The following RP1 variants were observed in gnomAD, a reference collection of about 807,000 sequenced individuals.
RP1 encodes the protein oxygen-regulated protein 1.
RP1 carries 16 observed loss-of-function variants against 14.8 expected under a neutral mutation model. The ratio of observed to expected loss-of-function variants is 1.08; its 90% CI spans 0.73 to 1.65. RP1 has a LOEUF of 1.65. Ranked by LOEUF, RP1 falls within the 40% of genes most tolerant of loss-of-function variation. RP1 has a pLI of 0.00. For missense variants in RP1, 2,631 were observed against 2,535.0 expected, an observed-to-expected ratio of 1.04 and a Z score of -0.81; for synonymous variants, 876 against 883.6, an observed-to-expected ratio of 0.99 and a Z score of 0.15.
At chr8:54,739,695 C>T (rs1229635911) in intron 19 of RP1, among the ~76,000 whole-genome samples, 2 of 150,660 alleles carry the variant, frequency 1.3e-5, no homozygotes, top group Non-Finnish European at 3.0e-5. Flanking sequence ...TGCTTTCTGT[C>T]TCTCGGTATA....
Position 54,627,081 on chromosome 8 carries a change from G to A in RP1, c.3199G>A (p.Ala1067Thr), listed in dbSNP as rs866421606. Residue 1067 changes from alanine (A) to threonine (T), a missense_variant, in exon 4 of 4, where the codon GCT becomes ACT. Ala to Thr is a moderately conservative substitution (Grantham distance 58). Coordinates refer to ENST00000220676, the MANE Select transcript of RP1 (RefSeq NM_006269.2). Reference sequence around the variant, plus strand: ...AGCTAGAAAAAGGCAAAGTGTAGAGGCTGCCATTCAAGTAGATCCTATAGA... The same window carrying A: ...AGCTAGAAAAAGGCAAAGTGTAGAGACTGCCATTCAAGTAGATCCTATAGA... The part of the protein sequence containing the change: ...NLARKRQSVE[A>T]AIQVDPIEEE... The A allele has an allele frequency of 2.5e-6, 4 of 1,613,866 alleles. No individual in the cohort carries two copies. Among genetic ancestry groups the A allele is most frequent in the African/African-American group, 1.3e-5 (1 of 74,906 alleles).
intron 3 of RP1, among the ~76,000 whole-genome samples, chr8:54,636,152 G>A (rs539793961): frequency 1.3e-5 from 2 of 152,226 alleles, no homozygotes; most frequent in Admixed American, 6.5e-5. Flanking sequence ...CTTCTTTTTG[G>A]TCAGAGCTAT....
At chr8:54,662,308 G>A (rs764061101) in intron 6 of RP1, among the ~76,000 whole-genome samples, 3 of 152,102 alleles carry the variant, frequency 2.0e-5, no homozygotes. Flanking sequence ...CCTGTCTTCT[G>A]TGGGCTGTGG....
chr8:54,841,820 G>T (rs1399512235), intron 25 of RP1, among the ~76,000 whole-genome samples: 1 of 152,126 alleles, frequency 6.6e-6, no homozygotes, highest in Non-Finnish European at 1.5e-5. Context: ...CTGGCTCCAG[G>T]CTCTCTCCAG....
intron 25 of RP1, among the ~76,000 whole-genome samples, chr8:54,851,337 A>T (rs1812057076): frequency 6.6e-6 from 1 of 152,096 alleles, no homozygotes; most frequent in African/African-American, 2.4e-5. Flanking sequence ...GTCTTACTTT[A>T]TATCTGTTTT....
intron 21 of RP1, among the ~76,000 whole-genome samples, chr8:54,758,532 A>G (rs983080460): frequency 6.6e-6 from 1 of 152,124 alleles, no homozygotes; most frequent in Non-Finnish European, 1.5e-5. Context: ...GTCTCAAAGC[A>G]TATCAGTACT....
intron 28 of RP1, among the ~76,000 whole-genome samples, chr8:54,867,661 G>C (rs921076271): frequency 6.6e-6 from 1 of 152,086 alleles, no homozygotes; most frequent in Non-Finnish European, 1.5e-5. Context: ...CAATTTTAAA[G>C]AAATTTTTAG....
At chr8:54,774,864 G>A (rs1346182013), downstream of RP1, among the ~76,000 whole-genome samples, 1 of 152,156 alleles carries the variant, frequency 6.6e-6, no homozygotes, top group Non-Finnish European at 1.5e-5. Flanking sequence ...TTTACAGAAA[G>A]CATAGAAGGG....
chr8:54,565,047 T>A (rs1038320529), intron 1 of RP1, among the ~76,000 whole-genome samples: 23 of 152,158 alleles, frequency 1.5e-4, no homozygotes, highest in Admixed American at 1.3e-4. Flanking sequence ...CGAGCCACCA[T>A]GCCTGGCACA....
intron 12 of RP1, among the ~76,000 whole-genome samples, chr8:54,690,156 T>A (rs1807675986): frequency 6.6e-6 from 1 of 151,992 alleles, no homozygotes; most frequent in East Asian, 1.9e-4. Context: ...CCTGTGTAAA[T>A]TTTCTTTGGT....
chr8:54,755,619 T>C (rs1204584802), exon 21 of RP1: 2 of 1,535,906 alleles, frequency 1.3e-6, no homozygotes, highest in Non-Finnish European at 1.7e-6. Flanking sequence ...GCTTTGCCAG[T>C]AGTGAGATAC....
intron 24 of RP1, among the ~76,000 whole-genome samples, chr8:54,808,398 G>A (rs1200872333): frequency 2.0e-5 from 3 of 152,222 alleles, no homozygotes; most frequent in Non-Finnish European, 4.4e-5. Context: ...GAGTGTGGAA[G>A]TGGACATCTT....
At chr8:54,759,573 G>A (rs1809589932) in intron 22 of RP1, among the ~76,000 whole-genome samples, 1 of 152,086 alleles carries the variant, frequency 6.6e-6, no homozygotes, top group Non-Finnish European at 1.5e-5. Flanking sequence ...TCCTGACCTG[G>A]CCCTGTACTG....
intron 23 of RP1, among the ~76,000 whole-genome samples, chr8:54,779,666 G>T (rs540654697): frequency 6.6e-6 from 1 of 152,146 alleles, no homozygotes; most frequent in African/African-American, 2.4e-5. Flanking sequence ...TAACTCAACC[G>T]TGCTTTCCTG....
At chr8:54,776,005 T>C (rs538315115) in intron 23 of RP1, among the ~76,000 whole-genome samples, 1 of 152,132 alleles carries the variant, frequency 6.6e-6, no homozygotes, top group South Asian at 2.1e-4. Flanking sequence ...CAACCACAGA[T>C]TGAAAAGTTC....
At chr8:54,782,686 G>A (rs1810219033) in intron 23 of RP1, among the ~76,000 whole-genome samples, 1 of 151,962 alleles carries the variant, frequency 6.6e-6, no homozygotes, top group South Asian at 2.1e-4. Context: ...AGGGTGAGAG[G>A]GGTTCATTGC....
intron 25 of RP1, among the ~76,000 whole-genome samples, chr8:54,840,040 TC>T (rs1811752395): frequency 1.3e-5 from 2 of 151,872 alleles, no homozygotes; most frequent in Admixed American, 1.3e-4. Context: ...AATGAAGGGG[TC>T]CTAAAAGATT....
intron 24 of RP1, among the ~76,000 whole-genome samples, chr8:54,784,432 A>C (rs755754019): frequency 1.2e-4 from 19 of 152,168 alleles, no homozygotes; most frequent in Non-Finnish European, 2.5e-4. Flanking sequence ...GATACTAAGT[A>C]ATGTACTATG....
chr8:54,720,187 T>C lies in RP1; in HGVS notation c.2270T>C (p.Ile757Thr), dbSNP rs535602812. ...AAGAAGAACTTGAAGAATGCATCCA[T>C]AAGCCTGGAATCTACGAAGAGCCCA... Residue 757 changes from isoleucine (I) to threonine (T), a missense_variant, in exon 16 of 23, where the codon ATA becomes ACA. Coordinates refer to the RP1 transcript ENST00000636932. The C allele has an allele frequency of 2.0e-6, 3 of 1,535,770 alleles. No homozygotes were observed. The African/African-American group carries it at 4.1e-5, about 21-fold the overall frequency.
Sources: gnomAD v4.1 joint callset for allele counts (sites outside exome capture counted in the v4.1 genomes callset) on GRCh38, gnomAD v4.1.1 for gene constraint, MANE v1.5 for transcripts, NCBI Gene and HGNC (gene_info 2026-07-23, HGNC 2026-07-21) for gene names.